The following PRRC2C variants were observed in gnomAD, a reference collection of about 807,000 sequenced individuals.
PRRC2C encodes protein PRRC2C.
In PRRC2C, 72 loss-of-function variants were observed where a neutral mutation model predicts 317.2. The observed-to-expected ratio is 0.23, with a 90% CI of 0.19 to 0.28. The LOEUF (loss-of-function observed/expected upper bound fraction) is 0.28. Ranked by LOEUF, PRRC2C falls within the 10% of genes least tolerant of loss-of-function variation. The probability of loss-of-function intolerance (pLI) is 1.00; values close to 1 mark genes in which losing one functional copy is unlikely to be tolerated. For synonymous variants in PRRC2C, 1,296 were observed against 1,205.9 expected (o/e 1.07, Z -1.55); for missense variants, 3,074 against 3,459.7 (o/e 0.89, Z 2.80).
At chr1:171,560,836 G>C (rs957239221) in intron 19 of PRRC2C, among the ~76,000 whole-genome samples, 182 bp from the exon 20 acceptor site, 2 of 152,166 alleles carry the variant, frequency 1.3e-5, no homozygotes, top group African/African-American at 4.8e-5. Flanking sequence ...AACCCACAAT[G>C]TTTCTGGGGT....
At chr1:171,496,991 A>G (rs1268964729) in intron 1 of PRRC2C, among the ~76,000 whole-genome samples, 2 of 151,952 alleles carry the variant, frequency 1.3e-5, no homozygotes, top group Non-Finnish European at 2.9e-5. Context: ...AGGTCTCTCC[A>G]TGTTGCTCAG....
At position 171,557,954 on chromosome 1, in the gene PRRC2C, A is replaced by T; in HGVS notation, c.5842A>T (p.Thr1948Ser). 1.9e-6 allele frequency: 3 copies of T among 1,609,198 alleles called. No homozygotes were observed. Among genetic ancestry groups the T allele is most frequent in the African/African-American group, 1.3e-5 (1 of 74,726 alleles). The part of the protein sequence containing the change: ...THKPVQNPLQ[T>S]TSQSSKQPPP... ...CAAACCAGTCCAGAATCCACTACAG[A>T]CTACATCTCAGTCTTCAAAACAACC... is the stretch of plus-strand genomic sequence containing the variant. The change falls in exon 19 of 35, where the codon ACT becomes TCT. Residue 1948 changes from threonine to serine, a missense_variant. Coordinates refer to ENST00000647382, the MANE Select transcript of PRRC2C (RefSeq NM_001387844.1).
intron 12 of PRRC2C, among the ~76,000 whole-genome samples, chr1:171,534,121 G>A (rs1676378724): frequency 1.3e-5 from 2 of 151,924 alleles, no homozygotes; most frequent in Non-Finnish European, 2.9e-5. Context: ...CTTCAAACTT[G>A]GCTCTTAATT....
intron 1 of PRRC2C, among the ~76,000 whole-genome samples, chr1:171,500,295 A>G (rs1458470229): frequency 6.6e-6 from 1 of 152,234 alleles, no homozygotes; most frequent in Non-Finnish European, 1.5e-5. Flanking sequence ...CTAGAATCTT[A>G]TAGTTTTGAG....
chr1:171,523,304 A>G lies in PRRC2C; in HGVS notation c.917A>G (p.Glu306Gly), dbSNP rs1001325657. 3 of 1,613,952 alleles carry G rather than the reference A, an allele frequency of 1.9e-6. No homozygotes were observed. Among genetic ancestry groups the G allele is most frequent in the Non-Finnish European group, 2.5e-6 (3 of 1,179,866 alleles). The part of the protein sequence containing the change: ...PSILSASELK[E>G]LDKFDNLDAE... ...ATTCTTAGTGCATCAGAACTGAAGG[A>G]GCTTGATAAATTTGATAACCTAGAT... Residue 306 changes from glutamate to glycine, a missense_variant, in exon 8 of 35, where the codon GAG (glutamate) becomes GGG (glycine). Physicochemically the swap from Glu to Gly is moderately conservative, Grantham distance 98. Transcript: ENST00000647382.
At chr1:171,575,640 G>C (rs1685567913) in intron 25 of PRRC2C, among the ~76,000 whole-genome samples, 1 of 151,988 alleles carries the variant, frequency 6.6e-6, no homozygotes, top group African/African-American at 2.4e-5. Context: ...TGCTTTTCTT[G>C]CTCTTTTTCC....
chr1:171,591,376 T>TTG, intron 34 of PRRC2C: 2 of 600,602 alleles, frequency 3.3e-6, no homozygotes, highest in Admixed American at 4.3e-5. Context: ...TCCTGTGGTT[T>TTG]TTTTTTTTTT....
Position 171,513,042 on chromosome 1 carries a change from C to A in PRRC2C, c.160C>A (p.Arg54=). The change falls in exon 3 of 35, where the codon CGG becomes AGG. Residue 54 remains arginine (R), a synonymous_variant. Transcript: ENST00000647382. ...LQSLGKVGIS[R]RMPPPANLPS... ...GAGTCTTGGAAAAGTCGGTATTTCA[C>A]GGCGTATGCCTCCACCTGCTAACCT... 1 of 1,613,280 alleles carries A rather than the reference C, an allele frequency of 6.2e-7. No individual in the cohort carries two copies. The highest frequency in any genetic ancestry group is 8.5e-7 in the Non-Finnish European group (1 of 1,179,596).
chr1:171,508,505 T>C lies in PRRC2C; in HGVS notation c.-57-3527T>C, dbSNP rs143359853. Among the ~76,000 whole-genome samples the C allele has an allele frequency of 3.3e-3, 505 of 152,330 alleles. 6 individuals are homozygous for C. Among genetic ancestry groups the C allele is most frequent in the African/African-American group, 0.012 (481 of 41,572 alleles). On this transcript the variant is annotated intron_variant, in intron 1 of 34. Transcript: ENST00000647382. ...GATAAATCAAACTTGGTTTAATGTG[T>C]TATTGAGAAGGATTGGTATTGTCTT...
chr1:171,506,039 C>T (rs755349448), intron 1 of PRRC2C, among the ~76,000 whole-genome samples: 8 of 152,126 alleles, frequency 5.3e-5, no homozygotes, highest in Non-Finnish European at 7.3e-5. Flanking sequence ...ATGCCATCTA[C>T]ATTTGTAAGT....
Position 171,503,711 on chromosome 1 carries a change from A to G in PRRC2C, c.-57-8321A>G, listed in dbSNP as rs928363479. 4.6e-5 allele frequency among the ~76,000 whole-genome samples: 7 copies of G among 152,160 alleles called. No homozygotes were observed. In the South Asian group the frequency reaches 1.5e-3, roughly 32 times the overall value. On this transcript the variant is annotated intron_variant, in intron 1 of 34. Coordinates refer to ENST00000647382, the MANE Select transcript of PRRC2C (RefSeq NM_001387844.1). ...CCCAAATACAAATGATGCTGAGTGT[A>G]TTAGTTTGTTCTCACATGGCTAAAG... is the stretch of plus-strand genomic sequence containing the variant.
chr1:171,536,405 T>C, intron 14 of PRRC2C, 127 bp downstream of exon 14: 1 of 1,088,960 alleles, frequency 9.2e-7, no homozygotes, highest in Non-Finnish European at 1.3e-6. Flanking sequence ...CAAAATGATG[T>C]AACTTTCAGC....
Position 171,575,028 on chromosome 1 carries a change from T to C in PRRC2C, c.6855T>C (p.Ser2285=), listed in dbSNP as rs745374747. The change falls in exon 25 of 35, where the codon AGT becomes AGC. Residue 2285 remains serine, a synonymous_variant. Coordinates refer to ENST00000647382, the MANE Select transcript of PRRC2C (RefSeq NM_001387844.1). ...CTCCAATTGCAACTGGAGTCAGCAG[T>C]AGTGCCAGTGGACCAAGCACTGCTA... is the stretch of plus-strand genomic sequence containing the variant. ...TAPPIATGVS[S]SASGPSTANY... 2.5e-6 allele frequency: 4 copies of C among 1,613,878 alleles called. No individual in the cohort carries two copies. In the South Asian group the frequency reaches 3.3e-5, roughly 13 times the overall value.
In PRRC2C at chr1:171,542,232, G is replaced by A; in HGVS notation, c.4763+3G>A. On this transcript the variant is annotated splice_donor_region_variant and intron_variant, in intron 16 of 34. Coordinates refer to ENST00000647382, the MANE Select transcript of PRRC2C (RefSeq NM_001387844.1). ...CCATCAAAAAGTGGGAAGAGAGGGT[G>A]AGTACTTTGTTTTAAATATAGTTGC... 1 of 1,520,114 alleles carries A rather than the reference G, an allele frequency of 6.6e-7. No individual in the cohort carries two copies. The highest frequency in any genetic ancestry group is 1.3e-5 in the South Asian group (1 of 76,112). The allele number at this position is 1,520,114 out of a possible 1,614,324, so 94.2% of individuals were successfully genotyped here.
In PRRC2C at chr1:171,579,395, A is replaced by C; in HGVS notation, c.7201A>C (p.Asn2401His). The C allele has an allele frequency of 6.2e-7, 1 of 1,613,946 alleles. No individual in the cohort carries two copies. Among genetic ancestry groups the C allele is most frequent in the Non-Finnish European group, 8.5e-7 (1 of 1,179,884 alleles). ...CTATATGGACACAAGTCATTTATTC[A>C]ATACCCAACATGCACGATTGGCTCC... is the stretch of plus-strand genomic sequence containing the variant. ...AFYMDTSHLF[N>H]TQHARLAPPS... The change falls in exon 27 of 35, where the codon AAT becomes CAT. Residue 2401 changes from asparagine to histidine, a missense_variant. Physicochemically the swap from Asn to His is moderately conservative, Grantham distance 68. Transcript: ENST00000647382.
At chr1:171,519,716 A>G (rs1673191662) in intron 6 of PRRC2C, among the ~76,000 whole-genome samples, 1 of 152,234 alleles carries the variant, frequency 6.6e-6, no homozygotes, top group African/African-American at 2.4e-5. Context: ...TAGGAAACAA[A>G]AATCTAGGTC....
intron 24 of PRRC2C, 129 bp from the exon 25 acceptor site, chr1:171,574,798 T>TA: frequency 1.1e-6 from 1 of 884,174 alleles, no homozygotes; most frequent in Non-Finnish European, 1.7e-6. Flanking sequence ...AGATTTTCTT[T>TA]AAATATCTTT....
chr1:171,517,856 T>G, intron 6 of PRRC2C, 42 bp downstream of exon 6: 3 of 1,562,008 alleles, frequency 1.9e-6, no homozygotes, highest in Admixed American at 3.5e-5. Flanking sequence ...CAAGTGGTTT[T>G]TGATCTGGGG....
At chr1:171,489,994 A>G (rs1666826007) in intron 1 of PRRC2C, among the ~76,000 whole-genome samples, 1 of 151,930 alleles carries the variant, frequency 6.6e-6, no homozygotes, top group Non-Finnish European at 1.5e-5. Flanking sequence ...ATCTTGGCTC[A>G]CTGCAACCTC....
Sources: allele counts gnomAD v4.1 joint callset (sites outside exome capture counted in the v4.1 genomes callset), GRCh38; gene constraint gnomAD v4.1.1; transcripts MANE v1.5; gene names NCBI Gene and HGNC (gene_info 2026-07-23, HGNC 2026-07-21).